The following SENP2 variants were observed in gnomAD, a reference collection of about 807,000 sequenced individuals.
The protein encoded by SENP2 is sentrin-specific protease 2.
Under a neutral mutation model 86.3 loss-of-function variants are expected in SENP2, and 16 were observed. The ratio of observed to expected loss-of-function variants is 0.19; its 90% CI spans 0.13 to 0.28. SENP2 has a LOEUF of 0.28. Among genes scored for constraint, SENP2 ranks in the 10% least tolerant of loss-of-function variants. SENP2 has a pLI of 1.00. For missense variants in SENP2, 552 were observed against 703.0 expected, an observed-to-expected ratio of 0.79 and a Z score of 2.43; for synonymous variants, 222 against 238.7, an observed-to-expected ratio of 0.93 and a Z score of 0.64.
intron 16 of SENP2, among the ~76,000 whole-genome samples, chr3:185,626,970 G>A (rs1712174723): frequency 6.7e-6 from 1 of 150,152 alleles, no homozygotes; most frequent in Non-Finnish European, 1.5e-5. Context: ...AGCTACTAGG[G>A]AGGCAGGCTG....
rs1382771140 is a variant in SENP2 at position 185,626,407 on chromosome 3, C to G, written c.1707+14C>G. 10 of 1,534,764 alleles carry G rather than the reference C, an allele frequency of 6.5e-6. No individual in the cohort carries two copies. The East Asian group carries it at 2.2e-4, about 35-fold the overall frequency. ...ACATTTACTCAGGTGAGTGAAGACC[C>G]TCTTCATCCATTTACTTGTTACTAA... On this transcript the variant is annotated intron_variant, in intron 16 of 16. Transcript: ENST00000296257.
At chr3:185,602,200 C>T (rs767421706) in intron 5 of SENP2, among the ~76,000 whole-genome samples, 3 of 152,142 alleles carry the variant, frequency 2.0e-5, no homozygotes, top group Non-Finnish European at 2.9e-5. Context: ...AGTCTTTATT[C>T]AAGTACTTGG....
In SENP2 at chr3:185,614,571, G is replaced by T. The variant is rs772323068; in HGVS notation, c.941G>T (p.Gly314Val). 1.2e-6 allele frequency: 2 copies of T among 1,611,682 alleles called. No individual in the cohort carries two copies. The highest frequency in any genetic ancestry group is 2.2e-5 in the East Asian group (1 of 44,848). ...AGATAATTTTTTGATCAGAGGAGGG[G>T]ATACCAACTGGAGCCTGACCTATCA... ...GIRFENESRR[G>V]YQLEPDLSEE... Residue 314 changes from glycine (G) to valine (V), a missense_variant, in exon 11 of 17, where the codon GGA (glycine) becomes GTA (valine). Coordinates refer to ENST00000296257, the MANE Select transcript of SENP2 (RefSeq NM_021627.3).
chr3:185,592,905 C>T (rs897076406), intron 2 of SENP2, among the ~76,000 whole-genome samples: 26 of 152,160 alleles, frequency 1.7e-4, no homozygotes, highest in African/African-American at 6.0e-4. Context: ...GCGTGAGCCA[C>T]CGTGCCCGGC....
intron 11 of SENP2, 74 bp from the exon 12 acceptor site, chr3:185,617,406 A>G (rs982653729): frequency 2.2e-6 from 3 of 1,347,856 alleles, no homozygotes; most frequent in Non-Finnish European, 3.0e-6. Context: ...AACTTTTTTC[A>G]GTCTCGGAGT....
intron 1 of SENP2, among the ~76,000 whole-genome samples, chr3:185,588,054 T>A (rs1225137313): frequency 1.7e-5 from 2 of 114,482 alleles, no homozygotes; most frequent in African/African-American, 6.7e-5. Flanking sequence ...CGGCTAATTT[T>A]TTTTTTTTTT....
chr3:185,610,507 A>G (rs1004869657), intron 7 of SENP2, among the ~76,000 whole-genome samples: 11 of 152,170 alleles, frequency 7.2e-5, no homozygotes, highest in African/African-American at 2.7e-4. Flanking sequence ...GTTTGCGAAT[A>G]ATCAGTTGTG....
chr3:185,604,004 C>G (rs1722431040), intron 5 of SENP2, among the ~76,000 whole-genome samples: 1 of 152,026 alleles, frequency 6.6e-6, no homozygotes. Flanking sequence ...ACCTGTAATC[C>G]CAGCTACTTG....
intron 16 of SENP2, among the ~76,000 whole-genome samples, chr3:185,629,345 G>A (rs111526894): frequency 4.7e-4 from 71 of 152,274 alleles, no homozygotes; most frequent in Middle Eastern, 3.4e-3. Flanking sequence ...GGGATGCTGA[G>A]GCGGGCGGAT....
At chr3:185,593,180 T>C (rs922833368) in intron 2 of SENP2, among the ~76,000 whole-genome samples, 16 of 152,092 alleles carry the variant, frequency 1.1e-4, no homozygotes, top group Non-Finnish European at 1.6e-4. Flanking sequence ...GAGGGAATAG[T>C]ATGGGAAAGT....
chr3:185,597,028 ATTT>A, intron 2 of SENP2, among the ~76,000 whole-genome samples: 1 of 151,378 alleles, frequency 6.6e-6, no homozygotes, highest in African/African-American at 2.4e-5. Flanking sequence ...TAATTTTTGT[ATTT>A]TTTTTAGAGA....
In SENP2 at chr3:185,621,386, C is replaced by CTTTT. The variant is rs1220771289; in HGVS notation, c.1447-420_1447-417dup. On this transcript the variant is annotated intron_variant, in intron 13 of 16. Coordinates refer to ENST00000296257, the MANE Select transcript of SENP2 (RefSeq NM_021627.3). ...AGTGGATATCGTTTTTCTTTTTTTT[C>CTTTT]TTTTTTTTTTTTTTTTTTTTTTTGA... 6.5e-4 allele frequency among the ~76,000 whole-genome samples: 51 copies of CTTTT among 78,756 alleles called. 1 individual carries two copies. The highest frequency in any genetic ancestry group is 9.0e-4 in the Non-Finnish European group (39 of 43,272). 51.7% of individuals were successfully genotyped at this position (78,756 alleles called of 152,430 possible).
At chr3:185,611,905 C>A (rs901686386) in intron 8 of SENP2, among the ~76,000 whole-genome samples, 160 bp downstream of exon 8, 16 of 152,044 alleles carry the variant, frequency 1.1e-4, no homozygotes, top group African/African-American at 3.9e-4. Flanking sequence ...GCCTGCAATC[C>A]CAGCACTTTG....
chr3:185,629,831 A>G lies in SENP2; in HGVS notation c.1757A>G (p.Gln586Arg), dbSNP rs965502905. The G allele has an allele frequency of 1.1e-5, 18 of 1,614,038 alleles. No individual in the cohort carries two copies. The highest frequency in any genetic ancestry group is 2.7e-5 in the African/African-American group (2 of 74,934). Reference protein sequence around the residue: ...RKKMVWEILHQQLL With the variant: ...RKKMVWEILHRQLL The stretch of plus-strand genomic sequence containing the variant: ...AAGATGGTGTGGGAAATCCTTCATC[A>G]GCAGTTGCTGTGAGAAAACTTTGCC... The change falls in exon 17 of 17, where the codon CAG (glutamine) becomes CGG (arginine). Residue 586 changes from glutamine (Q) to arginine (R), a missense_variant. Physicochemically the swap from Gln to Arg is conservative, Grantham distance 43. This residue lies in a region of SENP2 where 169 missense variants were observed against 275.7 expected (regional missense o/e 0.61). Coordinates refer to ENST00000296257, the MANE Select transcript of SENP2 (RefSeq NM_021627.3).
intron 1 of SENP2, among the ~76,000 whole-genome samples, chr3:185,587,049 C>T (rs765579172): frequency 2.0e-5 from 3 of 152,158 alleles, no homozygotes; most frequent in Non-Finnish European, 2.9e-5. Flanking sequence ...GGCTTAGGTG[C>T]CTCACTCCTT....
intron 8 of SENP2, chr3:185,612,406 A>T: frequency 2.0e-6 from 1 of 491,548 alleles, no homozygotes; most frequent in Non-Finnish European, 3.7e-6. Flanking sequence ...TTTATAGTAA[A>T]GATTATATTT....
chr3:185,625,413 TA>T (rs1399820951), intron 15 of SENP2, among the ~76,000 whole-genome samples: 2 of 152,088 alleles, frequency 1.3e-5, no homozygotes, highest in African/African-American at 4.8e-5. Flanking sequence ...ACCCGGCCAC[TA>T]GGCAAACTTT....
At chr3:185,607,693 G>GT (rs778412942) in intron 6 of SENP2, among the ~76,000 whole-genome samples, 14 of 151,132 alleles carry the variant, frequency 9.3e-5, no homozygotes, top group Non-Finnish European at 1.8e-4. Flanking sequence ...AATTTACCAA[G>GT]TTTTTTTTTA....
At chr3:185,598,622 A>G in intron 3 of SENP2, 77 bp downstream of exon 3, 1 of 1,413,996 alleles carries the variant, frequency 7.1e-7, no homozygotes, top group Admixed American at 2.2e-5. Context: ...TCTCTCTTCG[A>G]GAGTTAATGT....
Sources: allele counts gnomAD v4.1 joint callset (sites outside exome capture counted in the v4.1 genomes callset), GRCh38; gene constraint gnomAD v4.1.1; regional missense constraint gnomAD v4.1.1; transcripts MANE v1.5; gene names NCBI Gene and HGNC (gene_info 2026-07-23, HGNC 2026-07-21).